Variants in SH3GL2 observed in about 807,000 individuals in gnomAD.
SH3GL2 encodes the protein SH3 domain containing GRB2 like 2, endophilin A1.
In SH3GL2, 24 loss-of-function variants were observed where a neutral mutation model predicts 46.0. That is an observed-to-expected ratio of 0.52 (90% confidence interval 0.38 to 0.73). The LOEUF (loss-of-function observed/expected upper bound fraction) is 0.73. Ranked by LOEUF, SH3GL2 falls within the 30% of genes least tolerant of loss-of-function variation. The pLI is 0.00. For missense variants in SH3GL2, 413 were observed against 424.2 expected (o/e 0.97, Z 0.23); for synonymous variants, 196 against 147.1 (o/e 1.33, Z -2.40).
chr9:17,725,885 G>A (rs1468188999), intron 1 of SH3GL2, among the ~76,000 whole-genome samples: 2 of 152,104 alleles, frequency 1.3e-5, no homozygotes, highest in Non-Finnish European at 2.9e-5. Flanking sequence ...TCTAGCCCTA[G>A]ACTAGGAGCT....
chr9:17,652,715 A>G (rs1354802635), intron 1 of SH3GL2, among the ~76,000 whole-genome samples: 1 of 152,184 alleles, frequency 6.6e-6, no homozygotes, highest in African/African-American at 2.4e-5. Context: ...TTGGAGCATT[A>G]GAGTTCAGAT....
At chr9:17,650,746 A>T (rs1018451189) in intron 1 of SH3GL2, among the ~76,000 whole-genome samples, 3 of 152,244 alleles carry the variant, frequency 2.0e-5, no homozygotes, top group African/African-American at 7.2e-5. Flanking sequence ...TACATTATAC[A>T]GTCTTTCCTA....
chr9:17,792,780 C>A (rs529276058), intron 7 of SH3GL2, among the ~76,000 whole-genome samples: 5 of 152,206 alleles, frequency 3.3e-5, no homozygotes, highest in African/African-American at 1.2e-4. Context: ...CACCTTCACC[C>A]ACAACCACAC....
In SH3GL2 at chr9:17,793,423, G is replaced by A. The variant is rs1182267155; in HGVS notation, c.785G>A (p.Ser262Asn). The A allele has an allele frequency of 1.2e-6, 2 of 1,612,572 alleles. No homozygotes were observed. The highest frequency in any genetic ancestry group is 2.2e-5 in the East Asian group (1 of 44,800). The part of the protein sequence containing the change: ...RREYQPKPRM[S>N]LEFPTGDSTQ... ...GAATATCAACCTAAACCACGAATGA[G>A]CCTGGAGTTTCCAACTGGAGACAGT... is the stretch of plus-strand genomic sequence containing the variant. The change falls in exon 8 of 9, where the codon AGC becomes AAC. Residue 262 changes from serine to asparagine, a missense_variant. Ser to Asn is a conservative substitution (Grantham distance 46). This residue lies in a region of SH3GL2 where 248 missense variants were observed against 215.0 expected (regional missense o/e 1.15). Coordinates refer to ENST00000380607, the MANE Select transcript of SH3GL2 (RefSeq NM_003026.5).
chr9:17,648,802 G>C (rs1007174802), intron 1 of SH3GL2, among the ~76,000 whole-genome samples: 1 of 152,106 alleles, frequency 6.6e-6, no homozygotes, highest in Admixed American at 6.6e-5. Context: ...GTTCATTCAG[G>C]TTGAAAATGA....
chr9:17,592,677 G>A (rs1229799577), intron 1 of SH3GL2, among the ~76,000 whole-genome samples: 1 of 152,132 alleles, frequency 6.6e-6, no homozygotes, highest in Non-Finnish European at 1.5e-5. Flanking sequence ...TGGGGATTCA[G>A]TGTTCTTAAG....
chr9:17,790,367 AC>A (rs1824090361), intron 6 of SH3GL2: 1 of 887,892 alleles, frequency 1.1e-6, no homozygotes, highest in Non-Finnish European at 1.3e-6. Context: ...TCAAGTTGTC[AC>A]CTAAAATTAA....
intron 1 of SH3GL2, among the ~76,000 whole-genome samples, chr9:17,610,762 T>A (rs1317235581): frequency 6.6e-6 from 1 of 152,170 alleles, no homozygotes; most frequent in Non-Finnish European, 1.5e-5. Flanking sequence ...TATCTTCTCC[T>A]ATAAACTAGC....
intron 3 of SH3GL2, among the ~76,000 whole-genome samples, chr9:17,770,346 T>TTA (rs1184702344): frequency 6.6e-6 from 1 of 152,196 alleles, no homozygotes; most frequent in African/African-American, 2.4e-5. Context: ...CCAGAATCTT[T>TTA]ATTCAGATAT....
chr9:17,600,179 C>T (rs755157970), intron 1 of SH3GL2, among the ~76,000 whole-genome samples: 9 of 152,228 alleles, frequency 5.9e-5, no homozygotes, highest in Non-Finnish European at 8.8e-5. Context: ...ATTACATGAA[C>T]GCTGGAGTTT....
chr9:17,793,339 C>G (rs779910485), intron 7 of SH3GL2, 28 bp from the exon 8 acceptor site: 1 of 1,596,600 alleles, frequency 6.3e-7, no homozygotes, highest in Non-Finnish European at 8.5e-7. Flanking sequence ...GTTACATAAC[C>G]TTTCCACCAC....
At chr9:17,668,964 A>G (rs1820407425) in intron 1 of SH3GL2, among the ~76,000 whole-genome samples, 2 of 152,326 alleles carry the variant, frequency 1.3e-5, no homozygotes, top group Non-Finnish European at 2.9e-5. Flanking sequence ...GGCCAGAATC[A>G]TTTATTAAAA....
chr9:17,595,045 T>G (rs983099302), intron 1 of SH3GL2, among the ~76,000 whole-genome samples: 1 of 152,206 alleles, frequency 6.6e-6, no homozygotes, highest in Non-Finnish European at 1.5e-5. Context: ...AGGTACTATT[T>G]TAACTCATTT....
intron 3 of SH3GL2, among the ~76,000 whole-genome samples, chr9:17,763,524 G>A (rs1178861235): frequency 6.6e-6 from 1 of 152,142 alleles, no homozygotes; most frequent in East Asian, 1.9e-4. Flanking sequence ...ACGAGCAAAG[G>A]AATGCCAGGA....
chr9:17,751,425 GA>G (rs1449386856), intron 2 of SH3GL2, among the ~76,000 whole-genome samples: 1 of 151,950 alleles, frequency 6.6e-6, no homozygotes, highest in Non-Finnish European at 1.5e-5. Context: ...CTCAATATAA[GA>G]AAAACTTTTG....
At chr9:17,601,859 G>T (rs1208667366) in intron 1 of SH3GL2, among the ~76,000 whole-genome samples, 10 of 152,148 alleles carry the variant, frequency 6.6e-5, no homozygotes, top group African/African-American at 2.2e-4. Context: ...TGTCTGTGGT[G>T]GGTTTGATGC....
chr9:17,636,206 A>T (rs1819539878), intron 1 of SH3GL2, among the ~76,000 whole-genome samples: 1 of 152,198 alleles, frequency 6.6e-6, no homozygotes, highest in African/African-American at 2.4e-5. Context: ...ATAACCGTGG[A>T]TTGAAAAGCA....
At chr9:17,790,777 A>G (rs1824103993) in intron 6 of SH3GL2, among the ~76,000 whole-genome samples, 1 of 152,222 alleles carries the variant, frequency 6.6e-6, no homozygotes, top group African/African-American at 2.4e-5. Context: ...ATTTTCTGTC[A>G]TACCATGTCG....
intron 2 of SH3GL2, among the ~76,000 whole-genome samples, chr9:17,755,296 T>C (rs772475764): frequency 1.3e-5 from 2 of 152,250 alleles, no homozygotes; most frequent in Non-Finnish European, 2.9e-5. Flanking sequence ...ATTTATTGAT[T>C]TGCATATGTT....
Sources: gnomAD v4.1 joint callset for allele counts (sites outside exome capture counted in the v4.1 genomes callset) on GRCh38, gnomAD v4.1.1 for gene constraint, gnomAD v4.1.1 regional missense constraint, MANE v1.5 for transcripts, NCBI Gene and HGNC (gene_info 2026-07-23, HGNC 2026-07-21) for gene names.